SCAPER: variants seen among roughly 807,000 people sequenced by gnomAD.
The protein encoded by SCAPER is S-phase cyclin A associated protein in the ER.
A neutral mutation model predicts 182.2 loss-of-function variants in SCAPER; 98 were observed. That is an observed-to-expected ratio of 0.54 (90% CI 0.46 to 0.64). SCAPER has a LOEUF of 0.64. SCAPER is among the 30% of genes least tolerant of loss of function. SCAPER has a pLI of 0.00. For missense variants in SCAPER, 1,432 were observed against 1,690.0 expected (o/e 0.85, Z 2.68); for synonymous variants, 605 against 564.6 (o/e 1.07, Z -1.01).
intron 5 of SCAPER, among the ~76,000 whole-genome samples, chr15:76,832,541 T>C (rs956418763): frequency 1.3e-5 from 2 of 152,168 alleles, no homozygotes; most frequent in African/African-American, 4.8e-5. Context: ...AGCAGGCAAT[T>C]TGGAAAACAT....
chr15:76,524,495 A>G (rs2043039705), intron 23 of SCAPER, among the ~76,000 whole-genome samples: 8 of 152,084 alleles, frequency 5.3e-5, no homozygotes. Flanking sequence ...AACAAGATCA[A>G]TATAAATATA....
intron 31 of SCAPER, chr15:76,349,288 C>G (rs1396296761): frequency 1.3e-5 from 2 of 152,132 alleles, no homozygotes; most frequent in Non-Finnish European, 2.9e-5. Flanking sequence ...AAGGGGAAAA[C>G]TGTATGTAAA....
At chr15:76,693,508 G>A (rs1171684341) in intron 20 of SCAPER, among the ~76,000 whole-genome samples, 1 of 151,974 alleles carries the variant, frequency 6.6e-6, no homozygotes, top group Non-Finnish European at 1.5e-5. Context: ...CTGAAAGCAA[G>A]GACTCAAACA....
chr15:76,836,978 C>A (rs1372449184), intron 5 of SCAPER, among the ~76,000 whole-genome samples: 1 of 152,082 alleles, frequency 6.6e-6, no homozygotes, highest in Admixed American at 6.6e-5. Context: ...GTCTTGGCAA[C>A]AATTTCATAA....
chr15:76,374,436 T>G (rs1051107230), intron 29 of SCAPER, among the ~76,000 whole-genome samples: 2 of 151,586 alleles, frequency 1.3e-5, no homozygotes, highest in Non-Finnish European at 2.9e-5. Context: ...GTTCAGAGGC[T>G]TTTTTTAATC....
At position 76,354,030 on chromosome 15, in the gene SCAPER, G is replaced by T. The variant is rs187434753; in HGVS notation, c.3966C>A (p.Ile1322=). 2 of 1,607,402 alleles carry T rather than the reference G, an allele frequency of 1.2e-6. No individual in the cohort carries two copies. The highest frequency in any genetic ancestry group is 1.7e-6 in the Non-Finnish European group (2 of 1,178,094). Residue 1322 remains isoleucine, a synonymous_variant, in exon 30 of 32, where the codon ATC becomes ATA. Coordinates refer to ENST00000563290, the MANE Select transcript of SCAPER (RefSeq NM_020843.4). This position sits in a 1 kb window ranked among gnomAD's most constrained non-coding sequence, Gnocchi z 4.4. The part of the protein sequence containing the change: ...RLIKVLFPSL[I]AACYNNHQNK... ...TCTGATGGTTGTTGTAACAAGCAGC[G>T]ATAAGTGAAGGGAACAGTACTTTGA...
intron 21 of SCAPER, among the ~76,000 whole-genome samples, chr15:76,661,984 T>C (rs557028189): frequency 1.3e-5 from 2 of 152,196 alleles, no homozygotes; most frequent in Non-Finnish European, 2.9e-5. Flanking sequence ...ATATACACCA[T>C]GGAATACTAT....
At chr15:76,397,502 C>G (rs1422757903) in intron 27 of SCAPER, among the ~76,000 whole-genome samples, 1 of 75,160 alleles carries the variant, frequency 1.3e-5, no homozygotes, top group African/African-American at 4.5e-5. Flanking sequence ...TTTTTTGAGA[C>G]GGAGTTTCAC....
At chr15:76,599,039 A>G (rs1190451326) in intron 22 of SCAPER, among the ~76,000 whole-genome samples, 1 of 121,158 alleles carries the variant, frequency 8.3e-6, no homozygotes, top group Admixed American at 9.5e-5. Flanking sequence ...AATAATAAAA[A>G]TATACACAAG....
chr15:76,637,597 T>C (rs2146326470), intron 21 of SCAPER, among the ~76,000 whole-genome samples: 1 of 151,902 alleles, frequency 6.6e-6, no homozygotes, highest in East Asian at 1.9e-4. Context: ...TCCTAGCTTC[T>C]TGGGAGGCTG....
chr15:76,747,914 A>G (rs990835106), intron 15 of SCAPER, among the ~76,000 whole-genome samples: 5 of 152,124 alleles, frequency 3.3e-5, no homozygotes, highest in African/African-American at 1.2e-4. Flanking sequence ...AGCAACACAA[A>G]TGGGCTGAAA....
intron 21 of SCAPER, among the ~76,000 whole-genome samples, chr15:76,625,583 C>T (rs1337909932): frequency 1.3e-5 from 2 of 152,128 alleles, no homozygotes; most frequent in African/African-American, 4.8e-5. Flanking sequence ...TGTTGGACCC[C>T]TGGGCAGAAT....
At chr15:76,875,231 GA>G (rs1568385638) in intron 2 of SCAPER, among the ~76,000 whole-genome samples, 1 of 152,104 alleles carries the variant, frequency 6.6e-6, no homozygotes, top group East Asian at 1.9e-4. Context: ...CACATTTTAT[GA>G]GGCCTGAAAA....
At chr15:76,535,647 T>A (rs2044091994) in intron 23 of SCAPER, among the ~76,000 whole-genome samples, 1 of 147,796 alleles carries the variant, frequency 6.8e-6, no homozygotes, top group African/African-American at 2.5e-5. Flanking sequence ...CCAGACAACA[T>A]ACAGGTATTG....
intron 23 of SCAPER, among the ~76,000 whole-genome samples, chr15:76,573,122 G>C (rs2047566126): frequency 6.6e-6 from 1 of 152,032 alleles, no homozygotes; most frequent in Non-Finnish European, 1.5e-5. Flanking sequence ...ATTTTATAAA[G>C]GTCAAAGCCA....
chr15:76,685,371 CA>C (rs2057978668), intron 20 of SCAPER, among the ~76,000 whole-genome samples: 3 of 150,574 alleles, frequency 2.0e-5, no homozygotes, highest in Admixed American at 1.3e-4. Flanking sequence ...ATACACAATA[CA>C]ACCTTATTAT....
At chr15:76,841,604 G>T in intron 5 of SCAPER, 130 bp downstream of exon 5, 3 of 889,644 alleles carry the variant, frequency 3.4e-6, no homozygotes, top group Non-Finnish European at 5.1e-6. Context: ...CCAAGATCGC[G>T]TCACTACACT....
chr15:76,845,158 A>G (rs1013716480), intron 4 of SCAPER, among the ~76,000 whole-genome samples: 5 of 152,194 alleles, frequency 3.3e-5, no homozygotes, highest in African/African-American at 1.2e-4. Context: ...AAAGTATTTA[A>G]CAAAATTCAA....
At chr15:76,435,029 C>A (rs1186418500) in intron 25 of SCAPER, among the ~76,000 whole-genome samples, 7 of 152,174 alleles carry the variant, frequency 4.6e-5, no homozygotes, top group African/African-American at 1.4e-4. Context: ...TGACAACCAG[C>A]CTTTGCCTCA....
Sources: allele counts gnomAD v4.1 joint callset (sites outside exome capture counted in the v4.1 genomes callset), GRCh38; gene constraint gnomAD v4.1.1; non-coding constraint Gnocchi (gnomAD v3.1); transcripts MANE v1.5; gene names NCBI Gene and HGNC (gene_info 2026-07-23, HGNC 2026-07-21).